Variants in SLC12A6 observed in about 807,000 individuals in gnomAD.
The protein encoded by SLC12A6 is K-Cl cotransporter 3.
SLC12A6 carries 66 observed loss-of-function variants against 135.3 expected under a neutral mutation model. The observed-to-expected ratio is 0.49, with a 90% CI of 0.40 to 0.60. SLC12A6 has a LOEUF of 0.60. Among genes scored for constraint, SLC12A6 ranks in the 20% least tolerant of loss-of-function variants. The probability of loss-of-function intolerance (pLI) is 0.00; values close to 1 mark genes in which losing one functional copy is unlikely to be tolerated. For synonymous variants in SLC12A6, 513 were observed against 508.8 expected (o/e 1.01, Z -0.11); for missense variants, 1,058 against 1,452.3 (o/e 0.73, Z 4.41).
At chr15:34,261,093 G>A in intron 3 of SLC12A6, 73 bp from the exon 4 acceptor site, 1 of 818,994 alleles carries the variant, frequency 1.2e-6, no homozygotes, top group African/African-American at 1.7e-5. Flanking sequence ...CCAGATAAGT[G>A]CAGGTTGCTT....
chr15:34,233,588 C>A lies in SLC12A6; in HGVS notation c.*293G>T, dbSNP rs1891069002. ...ATTTCTAGCATCCCTTTTACCAATT[C>A]ATTTATTGGCTCAGCTTGTTAATTC... On this transcript the variant is annotated 3_prime_UTR_variant, in exon 26 of 26. Transcript: ENST00000354181. 2.9e-6 allele frequency: 1 copy of A among 342,220 alleles called. No individual in the cohort carries two copies. Among genetic ancestry groups the A allele is most frequent in the Non-Finnish European group, 5.6e-6 (1 of 179,914 alleles). The allele number at this position is 342,220 out of a possible 1,614,324, so 21.2% of individuals were successfully genotyped here.
Position 34,275,251 on chromosome 15 carries a change from T to C in SLC12A6, c.316+94A>G, listed in dbSNP as rs189028718. 2.7e-4 allele frequency: 190 copies of C among 708,156 alleles called. No homozygotes were observed. The African/African-American group carries it at 3.0e-3, about 11-fold the overall frequency. The allele number at this position is 708,156 out of a possible 1,614,324, so 43.9% of individuals were successfully genotyped here. A position where few individuals can be genotyped will look rare whatever the true frequency, so the allele number is the denominator to read the frequency against. ...GGGTGGGAAGTAGAAAAGGAGGGGA[T>C]AGAAAATAGAATCAGAGAAGGGAGT... On this transcript the variant is annotated intron_variant, in intron 3 of 25. Coordinates refer to ENST00000354181, the MANE Select transcript of SLC12A6 (RefSeq NM_001365088.1).
At chr15:34,322,359 A>G (rs1349416677) in intron 2 of SLC12A6, among the ~76,000 whole-genome samples, 1 of 151,766 alleles carries the variant, frequency 6.6e-6, no homozygotes, top group Non-Finnish European at 1.5e-5. Context: ...CTGGGCAACA[A>G]GAGTGAAACT....
At chr15:34,323,933 C>G (rs1889289969) in intron 2 of SLC12A6, among the ~76,000 whole-genome samples, 1 of 104,008 alleles carries the variant, frequency 9.6e-6, no homozygotes, top group South Asian at 3.3e-4. Context: ...AGAGTGAGAT[C>G]TTGTCTCAAA....
chr15:34,336,480 G>C lies in SLC12A6; in HGVS notation c.201C>G (p.Thr67=), dbSNP rs1351579228. The change falls in exon 2 of 26, where the codon ACC becomes ACG. Residue 67 remains threonine (T), a synonymous_variant. Transcript: ENST00000354181. ...CCAGTGCAACAGTTGCCAGCGAAGTGGTGGCCCCAGACATCTCACTCATAG... is the reference window on the plus strand; with the variant it reads ...CCAGTGCAACAGTTGCCAGCGAAGTCGTGGCCCCAGACATCTCACTCATAG... ...SEPMSEMSGA[T]TSLATVALDP... The C allele has an allele frequency of 3.1e-6, 5 of 1,613,610 alleles. No homozygotes were observed. The highest frequency in any genetic ancestry group is 4.2e-6 in the Non-Finnish European group (5 of 1,179,582).
At chr15:34,301,316 A>T (rs1177475696) in intron 2 of SLC12A6, among the ~76,000 whole-genome samples, 1 of 152,306 alleles carries the variant, frequency 6.6e-6, no homozygotes, top group African/African-American at 2.4e-5. Context: ...AAAATTCAGG[A>T]TTAGTTTTAA....
chr15:34,262,962 G>A (rs1566823043), intron 3 of SLC12A6, among the ~76,000 whole-genome samples: 1 of 152,216 alleles, frequency 6.6e-6, no homozygotes, highest in Non-Finnish European at 1.5e-5. Flanking sequence ...GGGCATGGAT[G>A]TTGCTGGCTG....
At chr15:34,275,633 A>T (rs919685296) in intron 2 of SLC12A6, among the ~76,000 whole-genome samples, 1 of 152,196 alleles carries the variant, frequency 6.6e-6, no homozygotes, top group African/African-American at 2.4e-5. Flanking sequence ...AAATAATTGA[A>T]AACAGGGACT....
intron 13 of SLC12A6, 29 bp downstream of exon 13, chr15:34,250,269 T>A: frequency 3.2e-6 from 4 of 1,236,966 alleles, no homozygotes; most frequent in Non-Finnish European, 4.8e-6. Context: ...GACACACACA[T>A]AATTGTTACA....
chr15:34,275,368 G>A lies in SLC12A6; in HGVS notation c.293C>T (p.Thr98Ile). The A allele has an allele frequency of 2.6e-6, 4 of 1,547,304 alleles. No homozygotes were observed. In the South Asian group the frequency reaches 3.4e-5, roughly 13 times the overall value. ...ACCTAACAGTTGGCTGTGTTCCCCT[G>A]TGATGGAGTTCTGACTCAGGTCTGA... ...VIEDLSQNSITGEHSQLLDDG... is the reference protein window; with the variant it reads ...VIEDLSQNSIIGEHSQLLDDG... Residue 98 changes from threonine to isoleucine, a missense_variant, in exon 3 of 26, where the codon ACA (threonine) becomes ATA (isoleucine). This residue lies in a region of SLC12A6 where 176 missense variants were observed against 168.9 expected (regional missense o/e 1.04). Coordinates refer to ENST00000354181, the MANE Select transcript of SLC12A6 (RefSeq NM_001365088.1).
intron 3 of SLC12A6, among the ~76,000 whole-genome samples, chr15:34,271,466 T>C (rs998703632): frequency 2.6e-5 from 4 of 152,130 alleles, no homozygotes; most frequent in Admixed American, 6.6e-5. Context: ...TTACTTGGTT[T>C]TCTATTCCTT....
rs1469025491 is a variant in SLC12A6, at chr15:34,240,726, T to G, written c.2371A>C (p.Ile791Leu). The G allele has an allele frequency of 2.5e-6, 4 of 1,613,814 alleles. No homozygotes were observed. The highest frequency in any genetic ancestry group is 8.5e-7 in the Non-Finnish European group (1 of 1,179,744). ...TTCCCCACGATGACAGAGCCCACAA[T>G]AGTGAGACCTTTTCCTGCTTTGAGC... Reference protein sequence around the residue: ...SQLKAGKGLTIVGSVIVGNFL... With the variant: ...SQLKAGKGLTLVGSVIVGNFL... The change falls in exon 19 of 26, where the codon ATT becomes CTT. Residue 791 changes from isoleucine to leucine, a missense_variant. Transcript: ENST00000354181.
intron 4 of SLC12A6, among the ~76,000 whole-genome samples, chr15:34,259,592 T>G (rs988334971): frequency 2.6e-5 from 4 of 152,104 alleles, no homozygotes; most frequent in African/African-American, 9.7e-5. Flanking sequence ...CAAGCTGTGA[T>G]CGTGCCACTG....
In SLC12A6 at chr15:34,232,933, G is replaced by C. The variant is rs1195896570; in HGVS notation, c.*948C>G. ...TTTGTTCCTTAAGATTTTTTGACCTGTGCTTAATAAGAGGGCATAAAAAAA... is the reference window on the plus strand; with the variant it reads ...TTTGTTCCTTAAGATTTTTTGACCTCTGCTTAATAAGAGGGCATAAAAAAA... On this transcript the variant is annotated 3_prime_UTR_variant, in exon 26 of 26. Coordinates refer to ENST00000354181, the MANE Select transcript of SLC12A6 (RefSeq NM_001365088.1). The C allele has an allele frequency of 7.2e-6, 1 of 139,084 alleles. No individual in the cohort carries two copies. The highest frequency in any genetic ancestry group is 2.2e-4 in the East Asian group (1 of 4,534). The allele number at this position is 139,084 out of a possible 1,614,324, so 8.6% of individuals were successfully genotyped here.
At chr15:34,257,023 G>T (rs1032033543) in intron 6 of SLC12A6, among the ~76,000 whole-genome samples, 1 of 152,116 alleles carries the variant, frequency 6.6e-6, no homozygotes, top group African/African-American at 2.4e-5. Flanking sequence ...AACCTGTTTT[G>T]CTCATCAGCT....
chr15:34,316,762 T>C (rs566872036), intron 2 of SLC12A6, among the ~76,000 whole-genome samples: 26 of 152,332 alleles, frequency 1.7e-4, no homozygotes, highest in African/African-American at 6.0e-4. Context: ...CACTCTCTTA[T>C]AATCTGAAGA....
At chr15:34,276,659 C>A (rs1894316339) in intron 2 of SLC12A6, among the ~76,000 whole-genome samples, 1 of 152,142 alleles carries the variant, frequency 6.6e-6, no homozygotes, top group Non-Finnish European at 1.5e-5. Context: ...AAAGTCACAT[C>A]TTTATTTTCA....
At chr15:34,289,021 G>C (rs1032270981) in intron 2 of SLC12A6, among the ~76,000 whole-genome samples, 53 of 152,172 alleles carry the variant, frequency 3.5e-4, no homozygotes, top group African/African-American at 1.2e-3. Context: ...TCAACACTAT[G>C]TTGAATAGGA....
In SLC12A6 at chr15:34,308,926, C is replaced by T. The variant is rs569260066; in HGVS notation, c.271+27484G>A. Among the ~76,000 whole-genome samples, 18 of 152,146 alleles carry T rather than the reference C, an allele frequency of 1.2e-4. No homozygotes were observed. In the South Asian group the frequency reaches 2.5e-3, roughly 21 times the overall value. ...TTAAAGTAGAAACAGCGTGGTGTGG[C>T]GAAAAATAATGGCTTTAGAGCTACA... On this transcript the variant is annotated intron_variant, in intron 2 of 25. Coordinates refer to ENST00000354181, the MANE Select transcript of SLC12A6 (RefSeq NM_001365088.1).
Sources: gnomAD v4.1 joint callset for allele counts (sites outside exome capture counted in the v4.1 genomes callset) on GRCh38, gnomAD v4.1.1 for gene constraint, gnomAD v4.1.1 regional missense constraint, MANE v1.5 for transcripts, NCBI Gene and HGNC (gene_info 2026-07-23, HGNC 2026-07-21) for gene names.